MAP2K4: variants seen among roughly 807,000 people sequenced by gnomAD.
MAP2K4 encodes the protein dual specificity mitogen-activated protein kinase kinase 4.
In MAP2K4, 4 loss-of-function variants were observed where a neutral mutation model predicts 48.5. The ratio of observed to expected loss-of-function variants is 0.08; its 90% CI spans 0.04 to 0.19. The LOEUF is 0.19. Among genes scored for constraint, MAP2K4 ranks in the 10% least tolerant of loss-of-function variants. The pLI, the probability that MAP2K4 is intolerant of heterozygous loss-of-function variation, is 1.00. For synonymous variants in MAP2K4, 166 were observed against 173.1 expected, an observed-to-expected ratio of 0.96 and a Z score of 0.32; for missense variants, 258 against 493.3, an observed-to-expected ratio of 0.52 and a Z score of 4.52.
intron 3 of MAP2K4, among the ~76,000 whole-genome samples, chr17:12,089,407 G>A (rs1321077411): frequency 6.6e-6 from 1 of 152,122 alleles, no homozygotes; most frequent in African/African-American, 2.4e-5. Context: ...CTTGCTAATG[G>A]CCAAATTACT....
chr17:12,049,086 T>G (rs1468163490), intron 1 of MAP2K4, among the ~76,000 whole-genome samples: 1 of 152,208 alleles, frequency 6.6e-6, no homozygotes, highest in African/African-American at 2.4e-5. Flanking sequence ...ATTGTTTGAC[T>G]GTAAAGTTGC....
chr17:12,102,207 T>G (rs957339482), intron 4 of MAP2K4, among the ~76,000 whole-genome samples: 1 of 152,098 alleles, frequency 6.6e-6, no homozygotes, highest in Non-Finnish European at 1.5e-5. Context: ...GCTGAGAGAT[T>G]TTGTCAGGAA....
intron 3 of MAP2K4, among the ~76,000 whole-genome samples, chr17:12,093,834 A>G (rs1971642523): frequency 6.6e-6 from 1 of 152,170 alleles, no homozygotes; most frequent in African/African-American, 2.4e-5. Flanking sequence ...ATAAATAATT[A>G]CCTTCCTAAA....
chr17:12,027,508 A>T (rs1301116283), intron 1 of MAP2K4, among the ~76,000 whole-genome samples: 1 of 152,040 alleles, frequency 6.6e-6, no homozygotes, highest in Non-Finnish European at 1.5e-5. Flanking sequence ...CAGACACCAA[A>T]TTGTTCAAAC....
At chr17:12,090,835 T>C (rs1397923387) in intron 3 of MAP2K4, among the ~76,000 whole-genome samples, 1 of 152,246 alleles carries the variant, frequency 6.6e-6, no homozygotes, top group Non-Finnish European at 1.5e-5. Flanking sequence ...TCTTTTTCTT[T>C]GCTCTTCCAC....
At chr17:12,135,002 A>T (rs539183731) in intron 9 of MAP2K4, among the ~76,000 whole-genome samples, 1 of 152,326 alleles carries the variant, frequency 6.6e-6, no homozygotes, top group East Asian at 1.9e-4. Context: ...TCCCAGGCTC[A>T]AGCGATCCTC....
At chr17:12,059,727 G>C (rs550768659) in intron 2 of MAP2K4, among the ~76,000 whole-genome samples, 11 of 152,274 alleles carry the variant, frequency 7.2e-5, no homozygotes, top group African/African-American at 2.6e-4. Flanking sequence ...GAACATCTAG[G>C]AGTAGTTTAA....
At chr17:12,109,989 G>A (rs1972250622) in intron 5 of MAP2K4, among the ~76,000 whole-genome samples, 1 of 152,004 alleles carries the variant, frequency 6.6e-6, no homozygotes, top group Admixed American at 6.6e-5. Flanking sequence ...AGTTAGCCAG[G>A]CATGCATCTG....
At chr17:12,055,298 T>C (rs1970250469) in intron 2 of MAP2K4, among the ~76,000 whole-genome samples, 1 of 152,104 alleles carries the variant, frequency 6.6e-6, no homozygotes, top group Non-Finnish European at 1.5e-5. Context: ...TACATGTGAG[T>C]GTACACATAT....
intron 7 of MAP2K4, among the ~76,000 whole-genome samples, chr17:12,114,973 A>G (rs1597482046): frequency 2.6e-5 from 4 of 152,194 alleles, no homozygotes. Flanking sequence ...TCTTCTGTCC[A>G]TTCTCATCTT....
chr17:12,114,312 C>T (rs1021685659), intron 7 of MAP2K4, among the ~76,000 whole-genome samples: 4 of 152,080 alleles, frequency 2.6e-5, no homozygotes, highest in African/African-American at 9.7e-5. Context: ...ATTCAACTTA[C>T]TGCATTTTTC....
At chr17:12,061,368 A>G (rs1348866780) in intron 2 of MAP2K4, among the ~76,000 whole-genome samples, 8 of 152,100 alleles carry the variant, frequency 5.3e-5, no homozygotes, top group African/African-American at 1.9e-4. Context: ...CCCACATTCC[A>G]CCTCAGTGTA....
At chr17:12,050,866 A>G (rs899073032) in intron 1 of MAP2K4, among the ~76,000 whole-genome samples, 1 of 152,202 alleles carries the variant, frequency 6.6e-6, no homozygotes, top group Admixed American at 6.5e-5. Flanking sequence ...ATGTGGATAC[A>G]CTTGACCAAT....
chr17:12,089,088 A>C (rs376554102), intron 3 of MAP2K4, among the ~76,000 whole-genome samples: 1 of 151,606 alleles, frequency 6.6e-6, no homozygotes, highest in East Asian at 1.9e-4. Flanking sequence ...ATTTTTTTGT[A>C]TTTTTAGTAG....
intron 8 of MAP2K4, among the ~76,000 whole-genome samples, chr17:12,127,529 C>T (rs1017145121): frequency 3.3e-5 from 5 of 152,120 alleles, no homozygotes; most frequent in African/African-American, 1.2e-4. Context: ...TTTAGCTAAA[C>T]CTTGTTGTTT....
chr17:12,042,217 T>C (rs1031018423), intron 1 of MAP2K4, among the ~76,000 whole-genome samples: 10 of 150,726 alleles, frequency 6.6e-5, no homozygotes, highest in African/African-American at 2.4e-4. Flanking sequence ...AACAGGTTAT[T>C]TGAAGGCTCT....
chr17:12,047,760 TATC>T (rs1349057370), intron 1 of MAP2K4, among the ~76,000 whole-genome samples: 3 of 152,246 alleles, frequency 2.0e-5, no homozygotes, highest in South Asian at 4.1e-4. Context: ...TTATAACTAA[TATC>T]ATAGTAGTTA....
intron 7 of MAP2K4, among the ~76,000 whole-genome samples, chr17:12,118,615 C>A (rs185044757): frequency 6.6e-6 from 1 of 152,156 alleles, no homozygotes; most frequent in Non-Finnish European, 1.5e-5. Context: ...ATGTTTATGC[C>A]ATGTACTTTC....
chr17:12,097,721 A>G (rs774643887), intron 4 of MAP2K4, among the ~76,000 whole-genome samples: 2 of 152,222 alleles, frequency 1.3e-5, no homozygotes, highest in Non-Finnish European at 2.9e-5. Context: ...AGATAGGAAA[A>G]TGAAATTTAG....
Sources: allele counts gnomAD v4.1 joint callset (sites outside exome capture counted in the v4.1 genomes callset), GRCh38; gene constraint gnomAD v4.1.1; transcripts MANE v1.5; gene names NCBI Gene and HGNC (gene_info 2026-07-23, HGNC 2026-07-21).